Variants in ATE1 observed in about 807,000 individuals in gnomAD.
ATE1 encodes the protein arginyltransferase 1.
A neutral mutation model predicts 70.5 loss-of-function variants in ATE1; 36 were observed. The ratio of observed to expected loss-of-function variants is 0.51; its 90% confidence interval spans 0.39 to 0.67. ATE1 has a LOEUF of 0.67. ATE1 is among the 30% of genes least tolerant of loss of function. The probability of loss-of-function intolerance (pLI) is 0.00; values close to 1 mark genes in which losing one functional copy is unlikely to be tolerated. For missense variants in ATE1, 593 were observed against 629.5 expected, an observed-to-expected ratio of 0.94 and a Z score of 0.62; for synonymous variants, 232 against 219.3, an observed-to-expected ratio of 1.06 and a Z score of -0.51.
chr10:121,903,177 C>G (rs1310015171), intron 5 of ATE1, among the ~76,000 whole-genome samples: 6 of 145,606 alleles, frequency 4.1e-5, no homozygotes, highest in Non-Finnish European at 9.1e-5. Context: ...GAATGAGCCA[C>G]CAGGCCCGGC....
intron 11 of ATE1, among the ~76,000 whole-genome samples, chr10:121,754,774 AC>A (rs1168619846): frequency 6.6e-6 from 1 of 152,230 alleles, no homozygotes; most frequent in African/African-American, 2.4e-5. Flanking sequence ...TGTACAAAAT[AC>A]TTATCAACTT....
chr10:121,788,903 C>T (rs1946319009), intron 11 of ATE1, among the ~76,000 whole-genome samples: 1 of 152,194 alleles, frequency 6.6e-6, no homozygotes, highest in African/African-American at 2.4e-5. Flanking sequence ...AAAGCCACGG[C>T]TAAATGCCGT....
intron 7 of ATE1, among the ~76,000 whole-genome samples, chr10:121,892,112 G>C (rs1590646408): frequency 6.6e-6 from 1 of 152,206 alleles, no homozygotes; most frequent in Non-Finnish European, 1.5e-5. Context: ...CATGCTTCAA[G>C]ACTGGGAAGC....
At chr10:121,887,158 G>T (rs898496778) in intron 7 of ATE1, among the ~76,000 whole-genome samples, 2 of 121,432 alleles carry the variant, frequency 1.6e-5, no homozygotes, top group African/African-American at 3.1e-5. Context: ...GAGCCAAGAT[G>T]AAAGAGCAAA....
In ATE1 at chr10:121,899,879, G is replaced by A; in HGVS notation, c.929C>T (p.Pro310Leu). ...MVIHKNPPDT[P>L]TESQFTRFLC... ...TGGCCTGCTGACCTGGCTTTCGGTT[G>A]GCGTATCAGGTGGGTTCTTGTGAAT... The change falls in exon 7 of 12, where the codon CCA becomes CTA. Residue 310 changes from proline (P) to leucine (L), a missense_variant. This residue lies in a region of ATE1 where 467 missense variants were observed against 469.6 expected (regional missense o/e 0.99). Coordinates refer to ENST00000224652, the MANE Select transcript of ATE1 (RefSeq NM_001001976.3). 1 of 1,612,292 alleles carries A rather than the reference G, an allele frequency of 6.2e-7. No individual in the cohort carries two copies. The highest frequency in any genetic ancestry group is 2.2e-5 in the East Asian group (1 of 44,854).
At chr10:121,924,225 T>C in intron 2 of ATE1, 41 bp downstream of exon 2, 1 of 1,585,608 alleles carries the variant, frequency 6.3e-7, no homozygotes, top group Non-Finnish European at 8.7e-7. Context: ...TTCAAGAACC[T>C]GAGTAACAGT....
At chr10:121,875,595 G>A (rs1161884169) in intron 7 of ATE1, among the ~76,000 whole-genome samples, 26 of 152,062 alleles carry the variant, frequency 1.7e-4, no homozygotes, top group African/African-American at 6.0e-4. Context: ...GTGAGCCACC[G>A]CGCCCAGCCA....
intron 11 of ATE1, among the ~76,000 whole-genome samples, chr10:121,745,681 G>T (rs535640549): frequency 6.6e-6 from 1 of 152,060 alleles, no homozygotes; most frequent in Non-Finnish European, 1.5e-5. Flanking sequence ...GAGCCGAGAT[G>T]GCATCACTGC....
At position 121,911,147 on chromosome 10, in the gene ATE1, C is replaced by G; in HGVS notation, c.342G>C (p.Glu114Asp). ...CATCATCCATTGTGGAATCCATGGG[C>G]TCATCTACAAATCAGAAGAAATTAA... ...GEVPKGSCED[E>D]PMDSTMDDAV... Residue 114 changes from glutamate to aspartate, a missense_variant, in exon 5 of 12, where the codon GAG (glutamate) becomes GAC (aspartate). By Grantham distance (45) the Glu-to-Asp change is conservative. Transcript: ENST00000224652. The G allele has an allele frequency of 6.2e-7, 1 of 1,604,662 alleles. No homozygotes were observed. Among genetic ancestry groups the G allele is most frequent in the Non-Finnish European group, 8.5e-7 (1 of 1,178,206 alleles).
At chr10:121,790,021 CTCTA>C in intron 11 of ATE1, 144 bp downstream of exon 11, 1 of 829,642 alleles carries the variant, frequency 1.2e-6, no homozygotes, top group African/African-American at 2.9e-5. Flanking sequence ...CAAAGTCTTC[CTCTA>C]TCTTACACAC....
chr10:121,902,592 T>C lies in ATE1; in HGVS notation c.612A>G (p.Pro204=). 13 of 1,612,944 alleles carry C rather than the reference T, an allele frequency of 8.1e-6. No homozygotes were observed. The highest frequency in any genetic ancestry group is 1.6e-4 in the Middle Eastern group (1 of 6,062). The change falls in exon 6 of 12, where the codon CCA becomes CCG. Residue 204 remains proline (P), a synonymous_variant. Coordinates refer to ENST00000224652, the MANE Select transcript of ATE1 (RefSeq NM_001001976.3). ...PGKGADLSKP[P]CRKAKEIRKE... is the part of the protein sequence containing the mutation. ...TCCGGATTTCCTTTGCTTTTCGACA[T>C]GGAGGCTTACTCAAATCAGCCCCTT...
intron 11 of ATE1, among the ~76,000 whole-genome samples, chr10:121,769,706 T>C (rs111664909): frequency 6.2e-3 from 942 of 152,102 alleles, no homozygotes; most frequent in South Asian, 0.016. Context: ...ACAAAGAACA[T>C]GAGGAGACAT....
intron 10 of ATE1, among the ~76,000 whole-genome samples, chr10:121,834,921 A>G (rs530532411): frequency 6.6e-6 from 1 of 152,304 alleles, no homozygotes; most frequent in South Asian, 2.1e-4. Flanking sequence ...AAGGAAGATT[A>G]ATATAAGGAC....
chr10:121,759,398 G>A (rs1422548706), intron 11 of ATE1, among the ~76,000 whole-genome samples: 1 of 152,156 alleles, frequency 6.6e-6, no homozygotes, highest in African/African-American at 2.4e-5. Context: ...GATTCATGAG[G>A]TTTAAGGAAA....
chr10:121,779,568 T>C (rs1001187155), intron 11 of ATE1, among the ~76,000 whole-genome samples: 4 of 152,218 alleles, frequency 2.6e-5, no homozygotes, highest in African/African-American at 9.7e-5. Context: ...ATCTGTGTTC[T>C]TGATCTTTCT....
chr10:121,744,664 G>A lies in ATE1; in HGVS notation c.1379-806C>T, dbSNP rs369492703. Among the ~76,000 whole-genome samples the A allele has an allele frequency of 4.6e-5, 7 of 152,284 alleles. No homozygotes were observed. The East Asian group carries it at 1.2e-3, about 25-fold the overall frequency. ...TTAGGTAGGAGGGCAGGTTCCTACA[G>A]CTTTCATGGAAGACGTGGAAGAGAC... On this transcript the variant is annotated intron_variant, in intron 11 of 11. Coordinates refer to ENST00000224652, the MANE Select transcript of ATE1 (RefSeq NM_001001976.3).
At chr10:121,783,648 T>A (rs756319481) in intron 11 of ATE1, among the ~76,000 whole-genome samples, 1 of 152,182 alleles carries the variant, frequency 6.6e-6, no homozygotes, top group Non-Finnish European at 1.5e-5. Flanking sequence ...TTTATTTTTA[T>A]TTTTTAATTG....
At chr10:121,917,383 G>A (rs947509087) in intron 3 of ATE1, among the ~76,000 whole-genome samples, 1 of 152,104 alleles carries the variant, frequency 6.6e-6, no homozygotes, top group East Asian at 1.9e-4. Context: ...AAACAAAAAA[G>A]ATAATTAGTA....
intron 11 of ATE1, among the ~76,000 whole-genome samples, chr10:121,760,584 T>A (rs1564815120): frequency 6.6e-6 from 1 of 152,226 alleles, no homozygotes; most frequent in African/African-American, 2.4e-5. Flanking sequence ...AAAACTTGCA[T>A]GGAGGAGGAG....
Sources: gnomAD v4.1 joint callset for allele counts (sites outside exome capture counted in the v4.1 genomes callset) on GRCh38, gnomAD v4.1.1 for gene constraint, gnomAD v4.1.1 regional missense constraint, MANE v1.5 for transcripts, NCBI Gene and HGNC (gene_info 2026-07-23, HGNC 2026-07-21) for gene names.